The following DPF3 variants were observed in gnomAD, a reference collection of about 807,000 sequenced individuals.
DPF3 encodes the protein zinc finger protein DPF3.
Under a neutral mutation model 56.8 loss-of-function variants are expected in DPF3, and 18 were observed. The ratio of observed to expected loss-of-function variants is 0.32; its 90% CI spans 0.22 to 0.47. The LOEUF is 0.47. Ranked by LOEUF, DPF3 falls within the 20% of genes least tolerant of loss-of-function variation. The pLI, the probability that DPF3 is intolerant of heterozygous loss-of-function variation, is 1.00. For missense variants in DPF3, 403 were observed against 488.8 expected (o/e 0.82, Z 1.65); for synonymous variants, 188 against 180.2 (o/e 1.04, Z -0.35).
chr14:72,636,330 AATC>A (rs150111400), intron 8 of DPF3, among the ~76,000 whole-genome samples: 5,996 of 152,312 alleles, frequency 0.039, 274 homozygotes, highest in East Asian at 0.16. Flanking sequence ...GTCATATCTG[AATC>A]ATCATGCTAC....
At chr14:72,753,467 C>T in intron 2 of DPF3, 96 bp from the exon 3 acceptor site, 1 of 999,432 alleles carries the variant, frequency 1.0e-6, no homozygotes, top group South Asian at 1.7e-5. Flanking sequence ...GGAGAGGAAG[C>T]TGAAGCCCAG....
intron 2 of DPF3, among the ~76,000 whole-genome samples, chr14:72,764,246 A>G (rs1164740551): frequency 2.0e-5 from 3 of 152,170 alleles, no homozygotes; most frequent in African/African-American, 7.2e-5. Flanking sequence ...CCAATGATTT[A>G]ATCAACCATT....
chr14:72,847,846 C>G (rs1884822094), intron 1 of DPF3, among the ~76,000 whole-genome samples: 1 of 152,176 alleles, frequency 6.6e-6, no homozygotes, highest in Admixed American at 6.6e-5. Flanking sequence ...TAGCCTCTAC[C>G]TTGAGTTTCA....
rs762931894 is a variant in DPF3 at position 72,753,314 on chromosome 14, C to T, written c.251G>A (p.Arg84Gln). The T allele has an allele frequency of 5.6e-6, 9 of 1,613,522 alleles. No individual in the cohort carries two copies. The highest frequency in any genetic ancestry group is 5.3e-5 in the African/African-American group (4 of 74,892). The change falls in exon 3 of 11, where the codon CGA becomes CAA. Residue 84 changes from arginine to glutamine, a missense_variant. Coordinates refer to ENST00000556509, the MANE Select transcript of DPF3 (RefSeq NM_001280542.3). ...TTTTGGATCTTCAGGTGGGTGCAATCGTCTCTTCTTGCGCCAGCAGCGGGC... is the reference window on the plus strand; with the variant it reads ...TTTTGGATCTTCAGGTGGGTGCAATTGTCTCTTCTTGCGCCAGCAGCGGGC... ...YPARCWRKKRRLHPPEDPKLR... is the reference protein window; with the variant it reads ...YPARCWRKKRQLHPPEDPKLR...
intron 7 of DPF3, among the ~76,000 whole-genome samples, chr14:72,680,157 G>A (rs775543329): frequency 5.3e-5 from 8 of 152,226 alleles, no homozygotes; most frequent in Non-Finnish European, 8.8e-5. Context: ...AGGGCAAAGG[G>A]AGCATCAAAG....
In DPF3 at chr14:72,882,875, G is replaced by A. The variant is rs1317723648; in HGVS notation, c.32+11182C>T. On this transcript the variant is annotated intron_variant, in intron 1 of 10. Transcript: ENST00000556509. ...CAGCAGTCAGCCTCCTGGTTTGCTA[G>A]CACTTACTTTGCCCTGCCAAAAAAC... is the stretch of plus-strand genomic sequence containing the variant. Among the ~76,000 whole-genome samples, 3 of 152,162 alleles carry A rather than the reference G, an allele frequency of 2.0e-5. 1 individual carries two copies. Among genetic ancestry groups the A allele is most frequent in the Non-Finnish European group, 4.4e-5 (3 of 68,040 alleles).
intron 7 of DPF3, among the ~76,000 whole-genome samples, chr14:72,692,251 C>T (rs1030024227): frequency 5.3e-5 from 8 of 152,194 alleles, no homozygotes; most frequent in Non-Finnish European, 7.3e-5. Context: ...GGCCTGTCCA[C>T]GAATATTCTT....
rs375351518 is a variant in DPF3, at chr14:72,847,007, C to T, written c.32+47050G>A. ...TTATCTTCATTAACATGTTTATCTT[C>T]ATTAACATATTTCTCAGTGATAAGA... On this transcript the variant is annotated intron_variant, in intron 1 of 10. Transcript: ENST00000556509. Among the ~76,000 whole-genome samples, 184 of 152,270 alleles carry T rather than the reference C, an allele frequency of 1.2e-3. 1 individual carries two copies. The highest frequency in any genetic ancestry group is 4.1e-3 in the African/African-American group (171 of 41,528).
intron 1 of DPF3, among the ~76,000 whole-genome samples, chr14:72,886,105 C>T (rs757061093): frequency 1.4e-4 from 22 of 152,136 alleles, no homozygotes; most frequent in Non-Finnish European, 2.9e-4. Flanking sequence ...GGCACGGTGG[C>T]TCATGCCTAT....
At chr14:72,866,234 G>T in intron 1 of DPF3, among the ~76,000 whole-genome samples, 1 of 150,072 alleles carries the variant, frequency 6.7e-6, no homozygotes, top group Non-Finnish European at 1.5e-5. Flanking sequence ...CACAGACTGA[G>T]GTCACCTCAG....
At position 72,674,336 on chromosome 14, in the gene DPF3, T is replaced by C. The variant is rs1886819606; in HGVS notation, c.775A>G (p.Asn259Asp). The change falls in exon 8 of 11, where the codon AAT becomes GAT. Residue 259 changes from asparagine (N) to aspartate (D), a missense_variant. By Grantham distance (23) the Asn-to-Asp change is conservative. This residue lies in a region of DPF3 where 340 missense variants were observed against 374.3 expected (regional missense o/e 0.91). Transcript: ENST00000556509. ...CCCAAGCAGAAGTCACAGTAGTTAT[T>C]GGGAATGACTGTTCCATCCGGTCCT... ...QKGPDGTVIPNNYCDFCLGGS... is the reference protein window; with the variant it reads ...QKGPDGTVIPDNYCDFCLGGS... 6.2e-7 allele frequency: 1 copy of C among 1,612,896 alleles called. No homozygotes were observed. The highest frequency in any genetic ancestry group is 1.1e-5 in the South Asian group (1 of 90,794).
At chr14:72,702,600 A>T (rs555168825) in intron 6 of DPF3, among the ~76,000 whole-genome samples, 1 of 151,510 alleles carries the variant, frequency 6.6e-6, no homozygotes, top group African/African-American at 2.4e-5. Flanking sequence ...GGCCACCAAC[A>T]CCTCCCAACG....
chr14:72,693,413 A>T (rs1305932812), intron 6 of DPF3, among the ~76,000 whole-genome samples, 200 bp from the exon 7 acceptor site: 1 of 152,110 alleles, frequency 6.6e-6, no homozygotes, highest in Non-Finnish European at 1.5e-5. Context: ...TGGAAAGAAA[A>T]ACTGTAAAAG....
chr14:72,787,014 C>T (rs1892235279), intron 1 of DPF3, among the ~76,000 whole-genome samples: 2 of 152,212 alleles, frequency 1.3e-5, no homozygotes, highest in African/African-American at 4.8e-5. Context: ...AGAGCATTGC[C>T]CTCTCTCCAG....
intron 1 of DPF3, among the ~76,000 whole-genome samples, chr14:72,776,802 C>T (rs1034457899): frequency 2.6e-5 from 4 of 151,742 alleles, no homozygotes; most frequent in South Asian, 2.1e-4. Context: ...AGTCCAATAG[C>T]AAGTTTCTCA....
intron 3 of DPF3, among the ~76,000 whole-genome samples, chr14:72,737,104 T>C (rs1370025987): frequency 6.6e-6 from 1 of 150,398 alleles, no homozygotes; most frequent in Non-Finnish European, 1.5e-5. Context: ...CAAATCGGTT[T>C]CTAAATAAGA....
intron 8 of DPF3, among the ~76,000 whole-genome samples, chr14:72,630,765 C>T (rs773389709): frequency 2.9e-4 from 44 of 152,340 alleles, no homozygotes; most frequent in Admixed American, 4.6e-4. Flanking sequence ...ACATTGACAG[C>T]TTTGCCCAGT....
intron 8 of DPF3, among the ~76,000 whole-genome samples, chr14:72,645,387 C>T (rs1268019143): frequency 2.6e-5 from 4 of 151,906 alleles, no homozygotes; most frequent in Non-Finnish European, 5.9e-5. Context: ...GCACCTGCCG[C>T]CTCCTTGGCT....
chr14:72,648,387 C>A (rs554178616), intron 8 of DPF3, among the ~76,000 whole-genome samples: 1 of 152,074 alleles, frequency 6.6e-6, no homozygotes, highest in East Asian at 1.9e-4. Context: ...CATGGTGAAA[C>A]CCCATCTCCA....
Sources: allele counts gnomAD v4.1 joint callset (sites outside exome capture counted in the v4.1 genomes callset), GRCh38; gene constraint gnomAD v4.1.1; regional missense constraint gnomAD v4.1.1; transcripts MANE v1.5; gene names NCBI Gene and HGNC (gene_info 2026-07-23, HGNC 2026-07-21).